Variants in BCL2L1 observed in about 807,000 individuals in gnomAD.
BCL2L1 encodes the protein bcl-2-like protein 1.
In BCL2L1, 1 loss-of-function variant was observed where a neutral mutation model predicts 18.7. That is an observed-to-expected ratio of 0.05 (90% CI 0.02 to 0.25). The LOEUF is 0.25. Ranked by LOEUF, BCL2L1 falls within the 10% of genes least tolerant of loss-of-function variation. The pLI is 1.00. For synonymous variants in BCL2L1, 103 were observed against 122.7 expected, an observed-to-expected ratio of 0.84 and a Z score of 1.06; for missense variants, 207 against 304.9, an observed-to-expected ratio of 0.68 and a Z score of 2.39.
chr20:31,694,678 T>C lies in BCL2L1; in HGVS notation c.564+26977A>G, dbSNP rs1275268447. ...GCCAGGCATTGTCCTAAGCCCTTCATACAAATTACCCTCATTTAGTTTTCA... is the reference window on the plus strand; with the variant it reads ...GCCAGGCATTGTCCTAAGCCCTTCACACAAATTACCCTCATTTAGTTTTCA... On this transcript the variant is annotated intron_variant, in intron 2 of 2. Transcript: ENST00000307677. Among the ~76,000 whole-genome samples the C allele has an allele frequency of 2.6e-5, 4 of 152,164 alleles. No individual in the cohort carries two copies. In the East Asian group the frequency reaches 5.8e-4, roughly 22 times the overall value.
At chr20:31,681,552 G>T (rs1390040308) in intron 2 of BCL2L1, among the ~76,000 whole-genome samples, 1 of 152,178 alleles carries the variant, frequency 6.6e-6, no homozygotes, top group South Asian at 2.1e-4. Flanking sequence ...GAGGTGGGAG[G>T]ACTGCTGGAG....
intron 2 of BCL2L1, among the ~76,000 whole-genome samples, chr20:31,718,899 T>C (rs1017414304): frequency 2.0e-5 from 3 of 152,242 alleles, no homozygotes; most frequent in Non-Finnish European, 2.9e-5. Context: ...TCTGGCTTTC[T>C]GGGCCAGCAT....
chr20:31,711,300 T>C (rs1469852625), intron 2 of BCL2L1, among the ~76,000 whole-genome samples: 1 of 152,230 alleles, frequency 6.6e-6, no homozygotes, highest in Admixed American at 6.5e-5. Flanking sequence ...ATTTGCTTTG[T>C]GTTATGCCAC....
At position 31,665,761 on chromosome 20, in the gene BCL2L1, G is replaced by C. The variant is rs1219594547; in HGVS notation, c.*188C>G. On this transcript the variant is annotated 3_prime_UTR_variant, in exon 3 of 3. Coordinates refer to ENST00000307677, the MANE Select transcript of BCL2L1 (RefSeq NM_138578.3). ...TGAGGCCAAGGGAACTGAGGTGTGG[G>C]GGTCTCACAGAAGTGTGATAAATTC... 4 of 723,304 alleles carry C rather than the reference G, an allele frequency of 5.5e-6. No individual in the cohort carries two copies. The highest frequency in any genetic ancestry group is 1.9e-5 in the South Asian group (1 of 52,352). 44.8% of individuals were successfully genotyped at this position (723,304 alleles called of 1,614,324 possible). A position where few individuals can be genotyped will look rare whatever the true frequency, so the allele number is the denominator to read the frequency against.
intron 2 of BCL2L1, among the ~76,000 whole-genome samples, chr20:31,703,909 T>C (rs2061328110): frequency 6.6e-6 from 1 of 151,326 alleles, no homozygotes; most frequent in Admixed American, 6.6e-5. Context: ...GCGATTCTCC[T>C]GCCTCAGCCT....
At chr20:31,693,789 G>T (rs926543716) in intron 2 of BCL2L1, among the ~76,000 whole-genome samples, 4 of 152,088 alleles carry the variant, frequency 2.6e-5, no homozygotes, top group African/African-American at 9.7e-5. Flanking sequence ...TCCTACCTCA[G>T]CCTCCCAAGT....
intron 2 of BCL2L1, among the ~76,000 whole-genome samples, chr20:31,714,555 T>C (rs914209785): frequency 1.3e-5 from 2 of 152,252 alleles, no homozygotes; most frequent in African/African-American, 4.8e-5. Context: ...ATCTCAGGTA[T>C]ACCTCACTGT....
At chr20:31,719,037 C>T (rs1242148363) in intron 2 of BCL2L1, among the ~76,000 whole-genome samples, 1 of 152,204 alleles carries the variant, frequency 6.6e-6, no homozygotes, top group African/African-American at 2.4e-5. Flanking sequence ...TGGGGTCAGT[C>T]ACTTAGGCAC....
At chr20:31,723,762 C>G (rs1031963479), upstream of BCL2L1, 1 of 985,192 alleles carries the variant, frequency 1.0e-6, no homozygotes, top group African/African-American at 1.8e-5. Flanking sequence ...CGTGGGGGGC[C>G]ACATCCCCCT....
At chr20:31,668,586 G>A (rs952562338) in intron 2 of BCL2L1, among the ~76,000 whole-genome samples, 2 of 149,240 alleles carry the variant, frequency 1.3e-5, no homozygotes, top group Non-Finnish European at 3.0e-5. Flanking sequence ...TTACAGGCAC[G>A]AGCCACCATA....
chr20:31,714,354 C>G (rs1395476073), intron 2 of BCL2L1, among the ~76,000 whole-genome samples: 2 of 152,164 alleles, frequency 1.3e-5, no homozygotes, highest in African/African-American at 2.4e-5. Context: ...ACCACCATTG[C>G]ACACAAACAC....
intron 2 of BCL2L1, among the ~76,000 whole-genome samples, chr20:31,711,145 G>A (rs2061447330): frequency 6.6e-6 from 1 of 152,140 alleles, no homozygotes; most frequent in Non-Finnish European, 1.5e-5. Flanking sequence ...CACAGCACCT[G>A]GCACAGAGCA....
At chr20:31,684,875 TCCGTTGGTGTTCA>T (rs1241261133) in intron 2 of BCL2L1, among the ~76,000 whole-genome samples, 1 of 152,154 alleles carries the variant, frequency 6.6e-6, no homozygotes, top group Non-Finnish European at 1.5e-5. Context: ...ACCAGGGATT[TCCGTTGGTGTTCA>T]CCACATGCAG....
chr20:31,691,917 A>G (rs933968721), intron 2 of BCL2L1, among the ~76,000 whole-genome samples: 1 of 152,234 alleles, frequency 6.6e-6, no homozygotes, highest in Non-Finnish European at 1.5e-5. Context: ...ACAAAGAGGT[A>G]AAGTAATGGA....
At chr20:31,676,174 T>C (rs972066118) in intron 2 of BCL2L1, among the ~76,000 whole-genome samples, 1 of 152,016 alleles carries the variant, frequency 6.6e-6, no homozygotes, top group Admixed American at 6.6e-5. Flanking sequence ...AGATGCTCAT[T>C]TGGGGGCTCA....
intron 2 of BCL2L1, chr20:31,720,702 A>C (rs1291268431): frequency 1.0e-6 from 1 of 982,358 alleles, no homozygotes; most frequent in Admixed American, 6.1e-5. Flanking sequence ...AAAGAAACTA[A>C]GCCTCAAGAA....
At chr20:31,692,109 G>A (rs538241475) in intron 2 of BCL2L1, among the ~76,000 whole-genome samples, 1 of 152,320 alleles carries the variant, frequency 6.6e-6, no homozygotes, top group African/African-American at 2.4e-5. Context: ...AATTCTGAGG[G>A]CCCCAACCCT....
At chr20:31,669,701 G>A (rs766283409) in intron 2 of BCL2L1, among the ~76,000 whole-genome samples, 22 of 152,034 alleles carry the variant, frequency 1.4e-4, no homozygotes, top group African/African-American at 4.8e-4. Context: ...CAGCCCCAAA[G>A]TGCTGGGATT....
chr20:31,723,927 G>A (rs2061675448), upstream of BCL2L1: 1 of 985,458 alleles, frequency 1.0e-6, no homozygotes, highest in Non-Finnish European at 1.2e-6. Context: ...GAAGAGACAG[G>A]GGAACTTGCA....
Sources: gnomAD v4.1 joint callset for allele counts (sites outside exome capture counted in the v4.1 genomes callset) on GRCh38, gnomAD v4.1.1 for gene constraint, MANE v1.5 for transcripts, NCBI Gene and HGNC (gene_info 2026-07-23, HGNC 2026-07-21) for gene names.